Variants in ARHGAP24 observed in about 807,000 individuals in gnomAD.
The protein encoded by ARHGAP24 is rho GTPase-activating protein 24.
Under a neutral mutation model 76.4 loss-of-function variants are expected in ARHGAP24, and 50 were observed. The ratio of observed to expected loss-of-function variants is 0.65; its 90% CI spans 0.52 to 0.83. ARHGAP24 has a LOEUF of 0.83. Among genes scored for constraint, ARHGAP24 ranks in the 40% least tolerant of loss-of-function variants. The probability of loss-of-function intolerance (pLI) is 0.00; values close to 1 mark genes in which losing one functional copy is unlikely to be tolerated. For synonymous variants in ARHGAP24, 345 were observed against 323.3 expected, an observed-to-expected ratio of 1.07 and a Z score of -0.72; for missense variants, 930 against 914.2, an observed-to-expected ratio of 1.02 and a Z score of -0.22.
chr4:85,761,677 C>T (rs1212105883), intron 3 of ARHGAP24, among the ~76,000 whole-genome samples: 1 of 152,130 alleles, frequency 6.6e-6, no homozygotes, highest in Non-Finnish European at 1.5e-5. Flanking sequence ...AGGGTGGAGA[C>T]TCAGATTACT....
chr4:85,642,743 T>A (rs1721572649), intron 2 of ARHGAP24, among the ~76,000 whole-genome samples: 1 of 152,230 alleles, frequency 6.6e-6, no homozygotes, highest in Non-Finnish European at 1.5e-5. Flanking sequence ...CCTTTGCTTA[T>A]TTCCCTGCTT....
intron 3 of ARHGAP24, among the ~76,000 whole-genome samples, chr4:85,922,721 C>T (rs773626833): frequency 1.1e-4 from 16 of 152,054 alleles, no homozygotes; most frequent in Non-Finnish European, 1.6e-4. Flanking sequence ...AAAGGTATAA[C>T]GAAACCATGC....
chr4:85,910,308 G>A (rs2904082), intron 3 of ARHGAP24, among the ~76,000 whole-genome samples: 45,496 of 152,102 alleles, frequency 0.3, 6,957 homozygotes, highest in South Asian at 0.43. Flanking sequence ...TGCCTGCAAC[G>A]TGGAGAGCTA....
At chr4:85,609,333 A>T (rs1387952111) in intron 2 of ARHGAP24, among the ~76,000 whole-genome samples, 1 of 152,166 alleles carries the variant, frequency 6.6e-6, no homozygotes, top group Non-Finnish European at 1.5e-5. Flanking sequence ...TCTGGAATGT[A>T]TGCCTCCATT....
chr4:85,570,609 G>T lies in ARHGAP24; in HGVS notation c.68G>T (p.Cys23Phe). ...CAAGGGCGGCAGAATGCCATCAAGT[G>T]TGGGTGGCTGAGGAAGCAAGGAGGC... Reference protein sequence around the residue: ...QGQGRQNAIKCGWLRKQGGFV... With the variant: ...QGQGRQNAIKFGWLRKQGGFV... The change falls in exon 2 of 10, where the codon TGT (cysteine) becomes TTT (phenylalanine). Residue 23 changes from cysteine (C) to phenylalanine (F), a missense_variant. Coordinates refer to ENST00000395184, the MANE Select transcript of ARHGAP24 (RefSeq NM_001025616.3). The T allele has an allele frequency of 6.2e-7, 1 of 1,614,138 alleles. No individual in the cohort carries two copies. The highest frequency in any genetic ancestry group is 2.2e-5 in the East Asian group (1 of 44,882).
chr4:85,671,536 G>A (rs1030537383), intron 2 of ARHGAP24, among the ~76,000 whole-genome samples: 3 of 152,186 alleles, frequency 2.0e-5, no homozygotes, highest in Non-Finnish European at 2.9e-5. Flanking sequence ...AACAAAGTTT[G>A]TGGTTGAAGA....
chr4:85,761,920 T>A (rs530234027), intron 3 of ARHGAP24, among the ~76,000 whole-genome samples: 5 of 152,220 alleles, frequency 3.3e-5, no homozygotes, highest in African/African-American at 1.2e-4. Context: ...GAAGACTGAG[T>A]CCATAGTAAC....
intron 1 of ARHGAP24, among the ~76,000 whole-genome samples, chr4:85,564,413 G>T (rs187909550): frequency 9.4e-5 from 14 of 149,046 alleles, no homozygotes; most frequent in Admixed American, 9.4e-4. Flanking sequence ...GGAGCGGGGG[G>T]GATAGCATTA....
intron 3 of ARHGAP24, among the ~76,000 whole-genome samples, chr4:85,917,512 A>G (rs1735484426): frequency 1.3e-5 from 2 of 152,040 alleles, no homozygotes; most frequent in Admixed American, 6.6e-5. Context: ...TGGTTGAACT[A>G]GTTTACAGTC....
rs1451533406 is a variant in ARHGAP24, at chr4:85,570,632, G to A, written c.91G>A (p.Gly31Ser). The A allele has an allele frequency of 6.2e-7, 1 of 1,613,976 alleles. No individual in the cohort carries two copies. The highest frequency in any genetic ancestry group is 8.5e-7 in the Non-Finnish European group (1 of 1,180,010). ...IKCGWLRKQG[G>S]FVKTWHTRWF... is the part of the protein sequence containing the mutation. The stretch of plus-strand genomic sequence containing the variant: ...GTGTGGGTGGCTGAGGAAGCAAGGA[G>A]GCTTTGTCAAGACTTGGCATACTCG... Residue 31 changes from glycine to serine, a missense_variant, in exon 2 of 10, where the codon GGC (glycine) becomes AGC (serine). Transcript: ENST00000395184.
chr4:85,808,966 G>T (rs1299738966), intron 3 of ARHGAP24, among the ~76,000 whole-genome samples: 3 of 152,130 alleles, frequency 2.0e-5, no homozygotes, highest in Non-Finnish European at 2.9e-5. Context: ...TTATAAAAAG[G>T]ATCATTACAG....
chr4:85,604,494 G>A (rs1006183820), intron 2 of ARHGAP24, among the ~76,000 whole-genome samples: 1 of 152,192 alleles, frequency 6.6e-6, no homozygotes, highest in Non-Finnish European at 1.5e-5. Context: ...ACACTAAACA[G>A]CAGCCATTAA....
chr4:85,669,745 A>G (rs940293965), intron 2 of ARHGAP24, among the ~76,000 whole-genome samples: 14 of 147,812 alleles, frequency 9.5e-5, no homozygotes, highest in Admixed American at 6.8e-5. Flanking sequence ...AGAAGTTTCA[A>G]TCTAATCATA....
intron 1 of ARHGAP24, among the ~76,000 whole-genome samples, chr4:85,488,669 G>A (rs1310785543): frequency 6.6e-6 from 1 of 152,128 alleles, no homozygotes; most frequent in Non-Finnish European, 1.5e-5. Flanking sequence ...CTCACCTGGG[G>A]TTCCTTGAGA....
At chr4:85,828,086 C>A in intron 3 of ARHGAP24, 1 of 792,086 alleles carries the variant, frequency 1.3e-6, no homozygotes, top group Non-Finnish European at 1.9e-6. Flanking sequence ...AGGACCTAGA[C>A]TGTGTGCGGT....
intron 2 of ARHGAP24, among the ~76,000 whole-genome samples, chr4:85,607,386 G>A (rs1187501139): frequency 6.6e-6 from 1 of 151,900 alleles, no homozygotes; most frequent in Non-Finnish European, 1.5e-5. Flanking sequence ...AACGGAGGGA[G>A]GAAGGGAGAG....
intron 8 of ARHGAP24, among the ~76,000 whole-genome samples, chr4:85,982,905 C>A (rs1402800177): frequency 6.6e-6 from 1 of 152,072 alleles, no homozygotes; most frequent in Non-Finnish European, 1.5e-5. Flanking sequence ...AGCTACATTT[C>A]CTGATGTTTT....
chr4:85,582,417 C>A (rs575885195), intron 2 of ARHGAP24, among the ~76,000 whole-genome samples: 3 of 152,132 alleles, frequency 2.0e-5, no homozygotes, highest in African/African-American at 7.2e-5. Context: ...CCGTTTTTGA[C>A]TCTTTAAACT....
At chr4:85,880,835 AC>A (rs1733212254) in intron 3 of ARHGAP24, among the ~76,000 whole-genome samples, 1 of 152,116 alleles carries the variant, frequency 6.6e-6, no homozygotes, top group African/African-American at 2.4e-5. Context: ...TGTGGCCTTA[AC>A]CTTTGCAGTT....
Sources: gnomAD v4.1 joint callset for allele counts (sites outside exome capture counted in the v4.1 genomes callset) on GRCh38, gnomAD v4.1.1 for gene constraint, MANE v1.5 for transcripts, NCBI Gene and HGNC (gene_info 2026-07-23, HGNC 2026-07-21) for gene names.